The following REXO1 variants were observed in gnomAD, a reference collection of about 807,000 sequenced individuals.
REXO1 encodes RNA exonuclease 1 homolog, also known as REX1, RNA exonuclease 1 homolog.
REXO1 carries 42 observed loss-of-function variants against 102.6 expected under a neutral mutation model. The ratio of observed to expected loss-of-function variants is 0.41; its 90% CI spans 0.32 to 0.53. REXO1 has a LOEUF of 0.53. REXO1 is among the 20% of genes least tolerant of loss of function. REXO1 has a pLI of 0.27. For synonymous variants in REXO1, 908 were observed against 779.1 expected (o/e 1.17, Z -2.76); for missense variants, 1,819 against 1,732.5 (o/e 1.05, Z -0.89).
At chr19:1,818,915 G>A (rs2069450367) in intron 8 of REXO1, 72 bp from the exon 9 acceptor site, 11 of 1,583,760 alleles carry the variant, frequency 6.9e-6, no homozygotes, top group Middle Eastern at 1.8e-4. Context: ...CGGGAAAGGC[G>A]GCTGGGCCGG....
At position 1,836,332 on chromosome 19, in the gene REXO1, CTCAG is replaced by C. The variant is rs539777514; in HGVS notation, c.158-7705_158-7702del. ...AGACCCGTCCAAACTCCTGTCTTCT[CTCAG>C]TCAGCCCATTTCAAAGATGAGGACA... is the stretch of plus-strand genomic sequence containing the variant. On this transcript the variant is annotated intron_variant, in intron 1 of 15. Transcript: ENST00000170168. 2.0e-5 allele frequency among the ~76,000 whole-genome samples: 3 copies of C among 152,342 alleles called. No individual in the cohort carries two copies. The South Asian group carries it at 6.2e-4, about 32-fold the overall frequency.
chr19:1,833,382 A>C, intron 1 of REXO1, among the ~76,000 whole-genome samples: 1 of 152,236 alleles, frequency 6.6e-6, no homozygotes. Context: ...TGCCTGTGCC[A>C]GGCTACAGCC....
rs755765915 is a variant in REXO1, at chr19:1,827,416, G to A, written c.1373C>T (p.Pro458Leu). 53 of 1,544,720 alleles carry A rather than the reference G, an allele frequency of 3.4e-5. No homozygotes were observed. In the Middle Eastern group the frequency reaches 5.6e-4, roughly 16 times the overall value. The change falls in exon 2 of 16, where the codon CCG becomes CTG. Residue 458 changes from proline (P) to leucine (L), a missense_variant. By Grantham distance (98) the Pro-to-Leu change is moderately conservative. Transcript: ENST00000170168. ...TCGGGAGTCCCCGCTTGTGGGGCTCGGCCGCCGCGCTGGCCGGTCAGGCCT... is the reference window on the plus strand; with the variant it reads ...TCGGGAGTCCCCGCTTGTGGGGCTCAGCCGCCGCGCTGGCCGGTCAGGCCT... ...KGRPDRPARRPSPTSGDSRPA... is the reference protein window; with the variant it reads ...KGRPDRPARRLSPTSGDSRPA...
At chr19:1,843,702 G>C (rs1162192167) in intron 1 of REXO1, among the ~76,000 whole-genome samples, 2 of 152,354 alleles carry the variant, frequency 1.3e-5, no homozygotes, top group East Asian at 1.9e-4. Context: ...CTCCCCTAGA[G>C]TCCATTCCTT....
chr19:1,837,591 A>AC (rs886096396), intron 1 of REXO1, among the ~76,000 whole-genome samples: 16 of 152,044 alleles, frequency 1.1e-4, no homozygotes, highest in Non-Finnish European at 2.1e-4. Flanking sequence ...GCTCTGCCCC[A>AC]CCCCCCACAC....
chr19:1,843,184 G>A (rs1336016501), intron 1 of REXO1, among the ~76,000 whole-genome samples: 34 of 129,468 alleles, frequency 2.6e-4, no homozygotes, highest in Non-Finnish European at 3.8e-4. Flanking sequence ...GCAGCTGGGC[G>A]AAGCTTCAAC....
Position 1,823,692 on chromosome 19 carries a change from C to A in REXO1, c.2110G>T (p.Ala704Ser), listed in dbSNP as rs1599134231. The A allele has an allele frequency of 1.6e-6, 2 of 1,282,714 alleles. No individual in the cohort carries two copies. Among genetic ancestry groups the A allele is most frequent in the East Asian group, 6.0e-5 (2 of 33,216 alleles). 79.5% of individuals were successfully genotyped at this position (1,282,714 alleles called of 1,614,324 possible). Residue 704 changes from alanine to serine, a missense_variant, in exon 4 of 16, where the codon GCA (alanine) becomes TCA (serine). Transcript: ENST00000170168. The part of the protein sequence containing the change: ...CYLRAQQAQR[A>S]SASLLQAPAR... ...GGGGCCTGCAGCAAGCTCGCCGATG[C>A]CCTCTGCGCCTGCTGGGCCCGCAGG...
At chr19:1,818,944 C>G in intron 8 of REXO1, 74 bp downstream of exon 8, 1 of 1,571,038 alleles carries the variant, frequency 6.4e-7, no homozygotes, top group South Asian at 1.1e-5. Context: ...CACGAAGCAC[C>G]GTGTGGCACA....
Position 1,823,762 on chromosome 19 carries a change from G to A in REXO1, c.2040C>T (p.Pro680=), listed in dbSNP as rs749169808. 11 of 1,254,942 alleles carry A rather than the reference G, an allele frequency of 8.8e-6. No individual in the cohort carries two copies. The East Asian group carries it at 9.1e-5, about 10-fold the overall frequency. The allele number at this position is 1,254,942 out of a possible 1,614,324, so 77.7% of individuals were successfully genotyped here. A position where few individuals can be genotyped will look rare whatever the true frequency, so the allele number is the denominator to read the frequency against. Residue 680 remains proline, a synonymous_variant, in exon 4 of 16, where the codon CCC becomes CCT. Transcript: ENST00000170168. The stretch of plus-strand genomic sequence containing the variant: ...TCGGGGGCCGGGCCGGGGGCACCGC[G>A]GGACCCCTCCTCGGGGGCTCCACCT... The part of the protein sequence containing the change: ...GQEVEPPRRG[P]AVPPARPPTA...
intron 3 of REXO1, among the ~76,000 whole-genome samples, chr19:1,825,477 T>C (rs1302728544): frequency 4.8e-5 from 6 of 126,150 alleles, no homozygotes; most frequent in African/African-American, 1.1e-4. Context: ...CCCCTTTTTT[T>C]ATAATTTTTT....
rs760074141 is a variant in REXO1 at position 1,825,914 on chromosome 19, C to G, written c.1941G>C (p.Lys647Asn). The G allele has an allele frequency of 1.2e-6, 2 of 1,604,176 alleles. No homozygotes were observed. Among genetic ancestry groups the G allele is most frequent in the Admixed American group, 3.4e-5 (2 of 58,276 alleles). ...ACAGAGTGGTCAGACCCGAAAGCCC[C>G]TTCTCCTCACTCTTCTCTTCCTTGG... is the stretch of plus-strand genomic sequence containing the variant. ...QPPKEEKSEEKGLSGLTTLFP... is the reference protein window; with the variant it reads ...QPPKEEKSEENGLSGLTTLFP... The change falls in exon 3 of 16, where the codon AAG becomes AAC. Residue 647 changes from lysine (K) to asparagine (N), a missense_variant. Physicochemically the swap from Lys to Asn is moderately conservative, Grantham distance 94. Coordinates refer to ENST00000170168, the MANE Select transcript of REXO1 (RefSeq NM_020695.4).
intron 1 of REXO1, among the ~76,000 whole-genome samples, chr19:1,844,584 C>T (rs769061012): frequency 7.9e-5 from 12 of 152,154 alleles, no homozygotes; most frequent in Non-Finnish European, 1.3e-4. Flanking sequence ...GCTCCCTGAG[C>T]GCCTCTACCC....
intron 1 of REXO1, among the ~76,000 whole-genome samples, chr19:1,845,820 G>A (rs566587166): frequency 1.3e-5 from 2 of 152,236 alleles, no homozygotes; most frequent in African/African-American, 4.8e-5. Flanking sequence ...TGTTCCCGTC[G>A]CAGCTCCGCC....
Position 1,815,699 on chromosome 19 carries a change from G to A in REXO1, c.*367C>T, listed in dbSNP as rs1041114278. The A allele has an allele frequency of 8.9e-6, 12 of 1,349,000 alleles. No individual in the cohort carries two copies. In the African/African-American group the frequency reaches 1.6e-4, roughly 18 times the overall value. 83.6% of individuals were successfully genotyped at this position (1,349,000 alleles called of 1,614,324 possible). Reference sequence around the variant, plus strand: ...ACTGTCTCAAACAAACCTGGGACAAGCCCGCCCCGCGACCCACGTGAGGAG... The same window carrying A: ...ACTGTCTCAAACAAACCTGGGACAAACCCGCCCCGCGACCCACGTGAGGAG... On this transcript the variant is annotated 3_prime_UTR_variant, in exon 16 of 16. Transcript: ENST00000170168. The surrounding 1 kb of genome is among the most constrained non-coding windows in gnomAD (Gnocchi z 4.0).
Position 1,827,557 on chromosome 19 carries a change from G to A in REXO1, c.1232C>T (p.Pro411Leu). 1 of 1,595,056 alleles carries A rather than the reference G, an allele frequency of 6.3e-7. No homozygotes were observed. Among genetic ancestry groups the A allele is most frequent in the Non-Finnish European group, 8.5e-7 (1 of 1,176,490 alleles). ...CTGCGGGCCCTTCTTGTCCGCACGG[G>A]GCTTCTCCACAGGCCGCCCTCGGCC... ...DKGRGRPVEK[P>L]RADKKGPQAS... The change falls in exon 2 of 16, where the codon CCC (proline) becomes CTC (leucine). Residue 411 changes from proline to leucine, a missense_variant. Transcript: ENST00000170168.
Position 1,826,442 on chromosome 19 carries a change from G to A in REXO1, c.1911+436C>T, listed in dbSNP as rs2069723876. Among the ~76,000 whole-genome samples the A allele has an allele frequency of 6.7e-6, 1 of 149,532 alleles. No individual in the cohort carries two copies. Among genetic ancestry groups the A allele is most frequent in the Non-Finnish European group, 1.5e-5 (1 of 67,508 alleles). ...GGGGATGAGGAGGAGGCAAGGAGAGGAGACAGAGGAGCTGGAAGAGAAGAG... is the reference window on the plus strand; with the variant it reads ...GGGGATGAGGAGGAGGCAAGGAGAGAAGACAGAGGAGCTGGAAGAGAAGAG... On this transcript the variant is annotated intron_variant, in intron 2 of 15. Coordinates refer to ENST00000170168, the MANE Select transcript of REXO1 (RefSeq NM_020695.4). The surrounding 1 kb of genome is among the most constrained non-coding windows in gnomAD (Gnocchi z 4.3).
Position 1,826,831 on chromosome 19 carries a change from C to T in REXO1, c.1911+47G>A, listed in dbSNP as rs761233244. ...GATAGAAGGTCTCTCACCAGGCCCTCGGCTCTGCCTCTGCCCGAGCCCAGC... is the reference window on the plus strand; with the variant it reads ...GATAGAAGGTCTCTCACCAGGCCCTTGGCTCTGCCTCTGCCCGAGCCCAGC... On this transcript the variant is annotated intron_variant, in intron 2 of 15. Coordinates refer to ENST00000170168, the MANE Select transcript of REXO1 (RefSeq NM_020695.4). This position sits in a 1 kb window ranked among gnomAD's most constrained non-coding sequence, Gnocchi z 4.3. The T allele has an allele frequency of 1.0e-5, 16 of 1,541,284 alleles. No homozygotes were observed. Among genetic ancestry groups the T allele is most frequent in the Middle Eastern group, 2.3e-4 (1 of 4,332 alleles).
Position 1,816,420 on chromosome 19 carries a change from C to T in REXO1, c.3456+11G>A, listed in dbSNP as rs750976776. On this transcript the variant is annotated intron_variant, in intron 14 of 15. Coordinates refer to ENST00000170168, the MANE Select transcript of REXO1 (RefSeq NM_020695.4). ...CTGGAGAACCGCGCGGGACCCGGGC[C>T]GGCAGGGCACCTTCAGGGCCAGGAG... 1.9e-5 allele frequency: 30 copies of T among 1,609,588 alleles called. No homozygotes were observed. The highest frequency in any genetic ancestry group is 1.2e-4 in the Admixed American group (7 of 59,740).
At chr19:1,841,835 G>A (rs987948903) in intron 1 of REXO1, among the ~76,000 whole-genome samples, 3 of 152,198 alleles carry the variant, frequency 2.0e-5, no homozygotes, top group Admixed American at 1.3e-4. Context: ...TCCCATCTCA[G>A]GCTCTGGGGG....
Sources: gnomAD v4.1 joint callset for allele counts (sites outside exome capture counted in the v4.1 genomes callset) on GRCh38, gnomAD v4.1.1 for gene constraint, Gnocchi (gnomAD v3.1) non-coding constraint, MANE v1.5 for transcripts, NCBI Gene and HGNC (gene_info 2026-07-23, HGNC 2026-07-21) for gene names.